MTSS2: variants seen among roughly 807,000 people sequenced by gnomAD.
MTSS2 encodes MTSS I-BAR domain containing 2.
MTSS2 carries 27 observed loss-of-function variants against 67.1 expected under a neutral mutation model. The ratio of observed to expected loss-of-function variants is 0.40; its 90% CI spans 0.30 to 0.55. The LOEUF (loss-of-function observed/expected upper bound fraction) is 0.55. Among genes scored for constraint, MTSS2 ranks in the 20% least tolerant of loss-of-function variants. The pLI, the probability that MTSS2 is intolerant of heterozygous loss-of-function variation, is 0.43. For missense variants in MTSS2, 1,171 were observed against 1,067.8 expected (o/e 1.10, Z -1.35); for synonymous variants, 624 against 468.6 (o/e 1.33, Z -4.28).
At chr16:70,668,119 T>C (rs778464053) in intron 11 of MTSS2, among the ~76,000 whole-genome samples, 1 of 151,770 alleles carries the variant, frequency 6.6e-6, no homozygotes, top group South Asian at 2.1e-4. Context: ...ATCAAGATTT[T>C]CTATAAAGTC....
At chr16:70,677,730 C>T (rs1022124844) in intron 9 of MTSS2, 62 bp downstream of exon 9, 11 of 1,346,578 alleles carry the variant, frequency 8.2e-6, no homozygotes, top group Non-Finnish European at 1.1e-5. Context: ...CTGTTCCCAA[C>T]CTAGGGCAGC....
At chr16:70,668,031 T>A (rs1395081767) in intron 11 of MTSS2, among the ~76,000 whole-genome samples, 4 of 147,120 alleles carry the variant, frequency 2.7e-5, no homozygotes, top group African/African-American at 1.0e-4. Flanking sequence ...AAAAGTTACA[T>A]GGAAATGGAA....
At position 70,664,766 on chromosome 16, in the gene MTSS2, G is replaced by A. The variant is rs1449351532; in HGVS notation, c.1306-3C>T. On this transcript the variant is annotated splice_polypyrimidine_tract_variant and splice_region_variant and intron_variant, in intron 13 of 14. Transcript: ENST00000338779. ...GCGGGGGACACCTCCTCACCGTGCT[G>A]AGGGTGGGAAAGTGCAGGCTGAAGC... is the stretch of plus-strand genomic sequence containing the variant. 1.2e-6 allele frequency: 2 copies of A among 1,608,350 alleles called. No homozygotes were observed. The highest frequency in any genetic ancestry group is 1.7e-6 in the Non-Finnish European group (2 of 1,177,716).
chr16:70,680,443 G>C (rs1034755261), intron 3 of MTSS2, among the ~76,000 whole-genome samples: 3 of 152,116 alleles, frequency 2.0e-5, no homozygotes, highest in Non-Finnish European at 4.4e-5. Context: ...CAGAGGCGGC[G>C]CCAAGCCCAA....
In MTSS2 at chr16:70,663,674, C is replaced by G; in HGVS notation, c.*3G>C. ...GCCTGAGAGGATGGGGAGGGTGGCG[C>G]CATCATAAGATGCGGGGCGCCGACC... On this transcript the variant is annotated 3_prime_UTR_variant, in exon 15 of 15. Transcript: ENST00000338779. 2 of 1,571,084 alleles carry G rather than the reference C, an allele frequency of 1.3e-6. No homozygotes were observed. The highest frequency in any genetic ancestry group is 1.7e-6 in the Non-Finnish European group (2 of 1,159,212).
At position 70,677,804 on chromosome 16, in the gene MTSS2, G is replaced by T. The variant is rs140332054; in HGVS notation, c.720C>A (p.Pro240=). 24 of 1,609,810 alleles carry T rather than the reference G, an allele frequency of 1.5e-5. No individual in the cohort carries two copies. Among genetic ancestry groups the T allele is most frequent in the Non-Finnish European group, 1.5e-5 (18 of 1,178,742 alleles). The stretch of plus-strand genomic sequence containing the variant: ...AGGGCTCCCGCACCTGCTCGCTGGC[G>T]GGAGGCAGTTTGTGGGGTTCTGCTG... The part of the protein sequence containing the change: ...VLTAEPHKLP[P]ASEQVIKDLK... The change falls in exon 9 of 15, where the codon CCC becomes CCA. Residue 240 remains proline (P), a synonymous_variant. Transcript: ENST00000338779.
intron 11 of MTSS2, among the ~76,000 whole-genome samples, chr16:70,671,071 T>C (rs4985557): frequency 0.38 from 56,563 of 147,860 alleles, 12,996 homozygotes; most frequent in Non-Finnish European, 0.51. Context: ...TCAGGAGTGG[T>C]GGTTATCCTG....
intron 11 of MTSS2, among the ~76,000 whole-genome samples, chr16:70,669,930 C>T (rs992865566): frequency 2.6e-5 from 4 of 151,746 alleles, no homozygotes; most frequent in Non-Finnish European, 4.4e-5. Flanking sequence ...AAAATGAAAT[C>T]AATATAAAAT....
rs528205124 is a variant in MTSS2 at position 70,661,340 on chromosome 16, G to T, written c.*2337C>A. ...GAGGAGAATTTTTCCAAAATCTGAC[G>T]GAAAGAAAAGAAACAAATGGTTCAG... On this transcript the variant is annotated 3_prime_UTR_variant, in exon 15 of 15. Transcript: ENST00000338779. 4.6e-6 allele frequency: 2 copies of T among 430,792 alleles called. No individual in the cohort carries two copies. Among genetic ancestry groups the T allele is most frequent in the East Asian group, 7.6e-5 (1 of 13,102 alleles). The allele number at this position is 430,792 out of a possible 1,614,324, so 26.7% of individuals were successfully genotyped here.
intron 13 of MTSS2, 40 bp downstream of exon 13, chr16:70,664,880 G>T: frequency 1.3e-6 from 2 of 1,521,234 alleles, no homozygotes; most frequent in Non-Finnish European, 1.8e-6. Context: ...GGGCCTCCTG[G>T]GACTGACCTG....
chr16:70,682,477 G>A (rs1473255130), intron 1 of MTSS2, among the ~76,000 whole-genome samples: 1 of 152,020 alleles, frequency 6.6e-6, no homozygotes, highest in Non-Finnish European at 1.5e-5. Context: ...GGGGTCCAGA[G>A]CCAGCTGCCC....
intron 1 of MTSS2, among the ~76,000 whole-genome samples, chr16:70,684,401 T>A (rs896945912): frequency 2.0e-5 from 3 of 151,944 alleles, no homozygotes; most frequent in Admixed American, 6.5e-5. Flanking sequence ...TACAAGCCGC[T>A]AACTGGGTAG....
At chr16:70,669,799 A>G (rs545177043) in intron 11 of MTSS2, among the ~76,000 whole-genome samples, 1 of 144,596 alleles carries the variant, frequency 6.9e-6, no homozygotes, top group African/African-American at 2.6e-5. Context: ...CCTGGGCAAC[A>G]GAGTGAGACT....
At chr16:70,665,777 G>A (rs765152838) in intron 11 of MTSS2, 9 of 436,600 alleles carry the variant, frequency 2.1e-5, no homozygotes, top group Non-Finnish European at 3.3e-5. Flanking sequence ...CCAGCCCTGC[G>A]CATTTTGAAG....
At chr16:70,683,647 C>T (rs60002562) in intron 1 of MTSS2, among the ~76,000 whole-genome samples, 3,019 of 152,342 alleles carry the variant, frequency 0.02, 107 homozygotes, top group African/African-American at 0.069. Flanking sequence ...CTGACCTTGG[C>T]CCCCGCTCAG....
At chr16:70,668,950 A>G (rs2052823019) in intron 11 of MTSS2, among the ~76,000 whole-genome samples, 1 of 151,848 alleles carries the variant, frequency 6.6e-6, no homozygotes, top group African/African-American at 2.4e-5. Context: ...TTTTTTCAAT[A>G]CACTGTTCTG....
chr16:70,674,207 GTAGTCTCAACAGCT>G, intron 11 of MTSS2, 85 bp downstream of exon 11: 1 of 180,788 alleles, frequency 5.5e-6, no homozygotes, highest in South Asian at 4.5e-5. Context: ...AACAGCTATA[GTAGTCTCAACAGCT>G]ATAGTAGTCC....
Position 70,676,890 on chromosome 16 carries a change from C to T in MTSS2, c.821G>A (p.Ser274Asn). 6.2e-7 allele frequency: 1 copy of T among 1,613,212 alleles called. No homozygotes were observed. Among genetic ancestry groups the T allele is most frequent in the Non-Finnish European group, 8.5e-7 (1 of 1,179,956 alleles). The change falls in exon 10 of 15, where the codon AGC becomes AAC. Residue 274 changes from serine to asparagine, a missense_variant. Transcript: ENST00000338779. ...CCCCACCCCCACTGACCTGCACATG[C>T]TGGACTTCCGGGAGCTGGAGCTGCT... ...SPSSSSSRKS[S>N]MCSAPSSSSS...
In MTSS2 at chr16:70,662,210, T is replaced by G. The variant is rs995253985; in HGVS notation, c.*1467A>C. ...ATTCTATCAATCAATCAATCAATCA[T>G]CAAGACCAAGGTGCTCCTGACCCCC... On this transcript the variant is annotated 3_prime_UTR_variant, in exon 15 of 15. Transcript: ENST00000338779. 2.0e-5 allele frequency: 3 copies of G among 150,392 alleles called. No individual in the cohort carries two copies. The highest frequency in any genetic ancestry group is 7.3e-5 in the African/African-American group (3 of 41,002). 9.3% of individuals were successfully genotyped at this position (150,392 alleles called of 1,614,324 possible).
Sources: gnomAD v4.1 joint callset for allele counts (sites outside exome capture counted in the v4.1 genomes callset) on GRCh38, gnomAD v4.1.1 for gene constraint, MANE v1.5 for transcripts, NCBI Gene and HGNC (gene_info 2026-07-23, HGNC 2026-07-21) for gene names.